The following TMEM65 variants were observed in gnomAD, a reference collection of about 807,000 sequenced individuals.
TMEM65 encodes the protein transmembrane protein 65.
Under a neutral mutation model 25.4 loss-of-function variants are expected in TMEM65, and 22 were observed. That is an observed-to-expected ratio of 0.86 (90% CI 0.62 to 1.23). The LOEUF is 1.23. Ranked by LOEUF, TMEM65 falls within the 50% of genes most tolerant of loss-of-function variation. The pLI, the probability that TMEM65 is intolerant of heterozygous loss-of-function variation, is 0.00. For synonymous variants in TMEM65, 132 were observed against 126.2 expected, an observed-to-expected ratio of 1.05 and a Z score of -0.31; for missense variants, 262 against 308.2, an observed-to-expected ratio of 0.85 and a Z score of 1.12.
rs530675476 is a variant in TMEM65 at position 124,309,880 on chromosome 8, G to A, written c.*4080C>T. ...AGCCTGGCCAACATGGTGAAACCCC[G>A]TTTCTACTAAAAATACAAAAAAATT... On this transcript the variant is annotated 3_prime_UTR_variant, in exon 7 of 7. Coordinates refer to ENST00000297632, the MANE Select transcript of TMEM65 (RefSeq NM_194291.3). The A allele has an allele frequency of 3.3e-5, 5 of 152,282 alleles. No individual in the cohort carries two copies. Among genetic ancestry groups the A allele is most frequent in the South Asian group, 2.1e-4 (1 of 4,820 alleles). 9.4% of individuals were successfully genotyped at this position (152,282 alleles called of 1,614,324 possible).
chr8:124,361,566 G>T (rs929194710), intron 1 of TMEM65, among the ~76,000 whole-genome samples: 4 of 151,898 alleles, frequency 2.6e-5, no homozygotes, highest in Non-Finnish European at 5.9e-5. Context: ...GGGCACGGTG[G>T]CTCACACCTG....
chr8:124,367,548 G>A (rs1814954704), intron 1 of TMEM65, among the ~76,000 whole-genome samples: 1 of 152,036 alleles, frequency 6.6e-6, no homozygotes, highest in African/African-American at 2.4e-5. Context: ...AAAAAAATAA[G>A]GATAATCTTG....
At chr8:124,365,891 T>C (rs1814931954) in intron 1 of TMEM65, among the ~76,000 whole-genome samples, 1 of 152,218 alleles carries the variant, frequency 6.6e-6, no homozygotes. Context: ...TATGTTGTTT[T>C]ATGCCACTGT....
In TMEM65 at chr8:124,323,363, C is replaced by A; in HGVS notation, c.430G>T (p.Glu144Ter). 1.3e-6 allele frequency: 2 copies of A among 1,510,604 alleles called. No individual in the cohort carries two copies. Among genetic ancestry groups the A allele is most frequent in the South Asian group, 1.2e-5 (1 of 82,782 alleles). The allele number at this position is 1,510,604 out of a possible 1,614,324, so 93.6% of individuals were successfully genotyped here. A position where few individuals can be genotyped will look rare whatever the true frequency, so the allele number is the denominator to read the frequency against. The change falls in exon 4 of 7, where the codon GAA becomes TAA. Residue 144 changes from glutamate (E) to a stop codon, truncating the protein, a stop_gained. Transcript: ENST00000297632. LOFTEE classifies it high-confidence loss of function. ...AIMIVAGTHI[E>*]MSIGIILGIS... ...CCCAAAATAATTCCAATAGACATTTCAATATGGGTTCCCTGAAATATGATA... is the reference window on the plus strand; with the variant it reads ...CCCAAAATAATTCCAATAGACATTTAAATATGGGTTCCCTGAAATATGATA...
intron 1 of TMEM65, among the ~76,000 whole-genome samples, chr8:124,343,861 T>C (rs1335573191): frequency 1.3e-5 from 2 of 152,240 alleles, no homozygotes; most frequent in African/African-American, 4.8e-5. Context: ...ATATGTCATG[T>C]TACTAACAGT....
At chr8:124,318,403 C>T (rs1814266263) in intron 6 of TMEM65, among the ~76,000 whole-genome samples, 1 of 99,752 alleles carries the variant, frequency 1.0e-5, no homozygotes, top group African/African-American at 4.3e-5. Context: ...GAGATGGAGT[C>T]TCACTCTGTC....
chr8:124,371,941 G>A lies in TMEM65; in HGVS notation c.217C>T (p.Arg73Cys). ...MEALNTAQGARDFIYSLHSTE... is the reference protein window; with the variant it reads ...MEALNTAQGACDFIYSLHSTE... The stretch of plus-strand genomic sequence containing the variant: ...GAGTGCAGGCTGTAGATGAAGTCGC[G>A]CGCGCCCTGCGCCGTGTTCAGCGCC... Residue 73 changes from arginine (R) to cysteine (C), a missense_variant, in exon 1 of 7, where the codon CGC becomes TGC. Arg to Cys is a radical substitution (Grantham distance 180, BLOSUM62 -3). Transcript: ENST00000297632. 2 of 1,518,362 alleles carry A rather than the reference G, an allele frequency of 1.3e-6. No individual in the cohort carries two copies. The highest frequency in any genetic ancestry group is 1.8e-6 in the Non-Finnish European group (2 of 1,136,636). 94.1% of individuals were successfully genotyped at this position (1,518,362 alleles called of 1,614,324 possible). A position where few individuals can be genotyped will look rare whatever the true frequency, so the allele number is the denominator to read the frequency against.
intron 1 of TMEM65, among the ~76,000 whole-genome samples, chr8:124,361,438 GA>G (rs113824233): frequency 0.051 from 4,347 of 85,148 alleles, 96 homozygotes; most frequent in Middle Eastern, 0.14. Context: ...TCTGTCTCAC[GA>G]AAAAAAAAAA....
intron 3 of TMEM65, among the ~76,000 whole-genome samples, chr8:124,324,921 C>T (rs1316854775): frequency 6.6e-6 from 1 of 151,954 alleles, no homozygotes; most frequent in Admixed American, 6.6e-5. Flanking sequence ...AATTAATCTA[C>T]TCTAGAATTC....
intron 1 of TMEM65, among the ~76,000 whole-genome samples, chr8:124,338,868 G>A (rs1445728706): frequency 3.3e-5 from 5 of 151,998 alleles, no homozygotes; most frequent in Non-Finnish European, 7.4e-5. Context: ...AGCTGATACA[G>A]TATGTAAACC....
chr8:124,358,900 T>C lies in TMEM65; in HGVS notation c.304+12954A>G, dbSNP rs191026331. Among the ~76,000 whole-genome samples, 707 of 152,244 alleles carry C rather than the reference T, an allele frequency of 4.6e-3. 5 individuals are homozygous for C. Among genetic ancestry groups the C allele is most frequent in the Non-Finnish European group, 3.3e-3 (225 of 68,000 alleles). ...TTCTCTCTAGGATTCCAAAGCTCCA[T>C]GGATGTATGTTTTGAGCTATCTGAG... On this transcript the variant is annotated intron_variant, in intron 1 of 6. Transcript: ENST00000297632.
intron 1 of TMEM65, among the ~76,000 whole-genome samples, chr8:124,335,933 C>A (rs1814501547): frequency 1.3e-5 from 2 of 151,968 alleles, no homozygotes; most frequent in African/African-American, 4.8e-5. Context: ...AATTAAAATG[C>A]AGAGACTACA....
At chr8:124,360,416 G>A (rs1353033453) in intron 1 of TMEM65, among the ~76,000 whole-genome samples, 1 of 141,050 alleles carries the variant, frequency 7.1e-6, no homozygotes, top group Non-Finnish European at 1.5e-5. Flanking sequence ...GGTGACAGAG[G>A]GAGACTCTGT....
At chr8:124,328,520 CA>C (rs1245150906) in intron 2 of TMEM65, among the ~76,000 whole-genome samples, 5 of 151,750 alleles carry the variant, frequency 3.3e-5, no homozygotes, top group Non-Finnish European at 5.9e-5. Context: ...GGTAGATGCT[CA>C]AAAAATATTA....
At chr8:124,346,110 G>A (rs1014568033) in intron 1 of TMEM65, among the ~76,000 whole-genome samples, 7 of 152,178 alleles carry the variant, frequency 4.6e-5, no homozygotes, top group South Asian at 4.1e-4. Context: ...ACTTAAAATC[G>A]TGGCAGAGGG....
At chr8:124,359,919 C>T (rs1389916662) in intron 1 of TMEM65, among the ~76,000 whole-genome samples, 1 of 152,142 alleles carries the variant, frequency 6.6e-6, no homozygotes, top group African/African-American at 2.4e-5. Context: ...AGTAGCCTTG[C>T]TTCTTTTTCA....
chr8:124,333,470 CGTGTGT>C (rs10660640), intron 1 of TMEM65, among the ~76,000 whole-genome samples: 56 of 149,230 alleles, frequency 3.8e-4, no homozygotes, highest in Non-Finnish European at 6.4e-4. Context: ...TGTGTGTGTG[CGTGTGT>C]GTGTGTGTGT....
At chr8:124,334,763 C>CAAAAAAAAAAAAAAAAAAGAAAA (rs1814484365) in intron 1 of TMEM65, among the ~76,000 whole-genome samples, 1 of 86,030 alleles carries the variant, frequency 1.2e-5, no homozygotes, top group Non-Finnish European at 2.5e-5. Flanking sequence ...GACTCCGTCT[C>CAAAAAAAAAAAAAAAAAAGAAAA]AAAAAAAAAA....
At chr8:124,358,161 G>A (rs1404557307) in intron 1 of TMEM65, among the ~76,000 whole-genome samples, 1 of 152,026 alleles carries the variant, frequency 6.6e-6, no homozygotes, top group Admixed American at 6.6e-5. Flanking sequence ...CTGACACACT[G>A]GTTGAAGGAT....
Sources: allele counts gnomAD v4.1 joint callset (sites outside exome capture counted in the v4.1 genomes callset), GRCh38; gene constraint gnomAD v4.1.1; transcripts MANE v1.5; gene names NCBI Gene and HGNC (gene_info 2026-07-23, HGNC 2026-07-21).